MYO16: variants seen among roughly 807,000 people sequenced by gnomAD.
The protein encoded by MYO16 is unconventional myosin-XVI.
In MYO16, 94 loss-of-function variants were observed where a neutral mutation model predicts 205.3. The observed-to-expected ratio is 0.46, with a 90% CI of 0.39 to 0.54. The LOEUF (loss-of-function observed/expected upper bound fraction) is 0.54, where lower values mean the gene tolerates loss of function less well. MYO16 is among the 20% of genes least tolerant of loss of function. The probability of loss-of-function intolerance (pLI) is 0.00; values close to 1 mark genes in which losing one functional copy is unlikely to be tolerated. For synonymous variants in MYO16, 988 were observed against 954.0 expected (o/e 1.04, Z -0.66); for missense variants, 2,315 against 2,387.5 (o/e 0.97, Z 0.63).
chr13:108,619,903 T>G (rs1254229699), intron 1 of MYO16, among the ~76,000 whole-genome samples: 1 of 152,110 alleles, frequency 6.6e-6, no homozygotes, highest in Non-Finnish European at 1.5e-5. Context: ...AAGAAAGGCC[T>G]GTGCTAGGAG....
chr13:108,567,930 TGAAC>T, the MYO16 span, among the ~76,000 whole-genome samples: 1 of 152,172 alleles, frequency 6.6e-6, no homozygotes, highest in Non-Finnish European at 1.5e-5. Flanking sequence ...TCACCTATAC[TGAAC>T]ATTTAATGTA....
intron 4 of MYO16, among the ~76,000 whole-genome samples, chr13:108,749,096 A>G (rs1478739024): frequency 1.3e-5 from 2 of 152,186 alleles, no homozygotes; most frequent in East Asian, 3.8e-4. Context: ...TGATATATGT[A>G]TACACTATGG....
the MYO16 span, among the ~76,000 whole-genome samples, chr13:108,522,710 G>A: frequency 1.3e-5 from 2 of 151,912 alleles, no homozygotes; most frequent in Non-Finnish European, 2.9e-5. Context: ...GTGTTCCTCG[G>A]CTTGTAGATC....
chr13:108,525,094 A>G, the MYO16 span, among the ~76,000 whole-genome samples: 1 of 152,224 alleles, frequency 6.6e-6, no homozygotes, highest in African/African-American at 2.4e-5. Context: ...TCCACTCAAC[A>G]CACAGACTTT....
intron 23 of MYO16, chr13:109,028,271 T>A (rs9587756): frequency 0.02 from 2,555 of 130,172 alleles, 76 homozygotes; most frequent in African/African-American, 0.07. Flanking sequence ...ATAAAAATAT[T>A]GTATAATATA....
At chr13:108,613,581 T>C (rs1485468295) in intron 1 of MYO16, among the ~76,000 whole-genome samples, 1 of 152,096 alleles carries the variant, frequency 6.6e-6, no homozygotes, top group Non-Finnish European at 1.5e-5. Context: ...AAGTCCCTTA[T>C]GAATATAAAA....
intron 33 of MYO16, among the ~76,000 whole-genome samples, chr13:109,165,955 G>T (rs1400234257): frequency 2.0e-5 from 3 of 151,100 alleles, no homozygotes. Flanking sequence ...GATGTAACCA[G>T]GCCTACAGGT....
chr13:109,196,609 C>A (rs866306628), intron 34 of MYO16, among the ~76,000 whole-genome samples: 2 of 152,276 alleles, frequency 1.3e-5, no homozygotes, highest in Middle Eastern at 3.4e-3. Flanking sequence ...AGAGGTTTAA[C>A]CCAGGCCACA....
At chr13:109,026,659 C>A (rs997620048) in intron 23 of MYO16, among the ~76,000 whole-genome samples, 2 of 152,132 alleles carry the variant, frequency 1.3e-5, no homozygotes, top group Non-Finnish European at 2.9e-5. Flanking sequence ...ACATTTGATT[C>A]GTTTTTAAGT....
chr13:108,763,516 T>C (rs1045647810), intron 4 of MYO16, among the ~76,000 whole-genome samples: 2 of 152,172 alleles, frequency 1.3e-5, no homozygotes, highest in African/African-American at 4.8e-5. Flanking sequence ...AAGAAAATAT[T>C]CATGGTAGAA....
Position 109,009,010 on chromosome 13 carries a change from T to C in MYO16, c.2556T>C (p.Ser852=), listed in dbSNP as rs778338622. The change falls in exon 22 of 35, where the codon TCT becomes TCC. Residue 852 remains serine (S), a synonymous_variant. Coordinates refer to ENST00000457511, the MANE Select transcript of MYO16 (RefSeq NM_001198950.3). ...QEGVTMETAY[S]PGNQNGVLDF... ...GAGTTACCATGGAAACAGCATATTC[T>C]CCTGGTAACCAGAATGGAGTTTTGG... is the stretch of plus-strand genomic sequence containing the variant. 6.2e-7 allele frequency: 1 copy of C among 1,605,986 alleles called. No homozygotes were observed. Among genetic ancestry groups the C allele is most frequent in the Non-Finnish European group, 8.5e-7 (1 of 1,177,718 alleles).
At chr13:108,869,731 T>TAAAAA (rs68025820) in intron 12 of MYO16, among the ~76,000 whole-genome samples, 1,672 of 66,826 alleles carry the variant, frequency 0.025, 48 homozygotes, top group Non-Finnish European at 0.034. Flanking sequence ...ACTCCGTTTC[T>TAAAAA]AAAAAAAAAA....
intron 32 of MYO16, among the ~76,000 whole-genome samples, chr13:109,149,388 T>C (rs908891805): frequency 2.6e-5 from 4 of 152,170 alleles, no homozygotes; most frequent in Admixed American, 1.3e-4. Flanking sequence ...ACCATCCCTA[T>C]TTATTAATGA....
chr13:108,947,122 T>C (rs554432623), intron 16 of MYO16, among the ~76,000 whole-genome samples: 36 of 152,344 alleles, frequency 2.4e-4, no homozygotes, highest in Non-Finnish European at 5.0e-4. Flanking sequence ...GTCATGTGTC[T>C]GAATCAAATA....
upstream of MYO16, among the ~76,000 whole-genome samples, chr13:108,591,225 G>T (rs1355624216): frequency 1.3e-5 from 2 of 152,198 alleles, no homozygotes; most frequent in Non-Finnish European, 2.9e-5. Flanking sequence ...GAGAAGCCCT[G>T]TCTCTGGGGC....
intron 1 of MYO16, among the ~76,000 whole-genome samples, chr13:108,621,979 C>A (rs1430769332): frequency 1.3e-5 from 2 of 151,542 alleles, no homozygotes; most frequent in Non-Finnish European, 2.9e-5. Flanking sequence ...GAAAAAAAAA[C>A]AGTGTATATA....
At chr13:108,911,763 G>C (rs1260877120) in intron 16 of MYO16, among the ~76,000 whole-genome samples, 2 of 152,188 alleles carry the variant, frequency 1.3e-5, no homozygotes, top group Admixed American at 1.3e-4. Flanking sequence ...GTATGGTAGT[G>C]GGGAGGTGGT....
chr13:109,165,891 G>A (rs1878637613), intron 33 of MYO16, among the ~76,000 whole-genome samples: 3 of 149,848 alleles, frequency 2.0e-5, no homozygotes, highest in Non-Finnish European at 1.5e-5. Context: ...GCCTTCAAGT[G>A]TTCTTCCCAA....
intron 5 of MYO16, among the ~76,000 whole-genome samples, chr13:108,789,383 C>G (rs749075606): frequency 6.6e-5 from 10 of 152,176 alleles, no homozygotes; most frequent in Non-Finnish European, 1.5e-4. Flanking sequence ...CAAAACTGGT[C>G]TTCTTGCCCC....
Sources: gnomAD v4.1 joint callset for allele counts (sites outside exome capture counted in the v4.1 genomes callset) on GRCh38, gnomAD v4.1.1 for gene constraint, MANE v1.5 for transcripts, NCBI Gene and HGNC (gene_info 2026-07-23, HGNC 2026-07-21) for gene names.